ABHD13: variants seen among roughly 807,000 people sequenced by gnomAD.
The protein encoded by ABHD13 is abhydrolase domain containing 13.
Under a neutral mutation model 25.2 loss-of-function variants are expected in ABHD13, and 7 were observed. The observed-to-expected ratio is 0.28, with a 90% CI of 0.16 to 0.52. ABHD13 has a LOEUF of 0.52. ABHD13 is among the 20% of genes least tolerant of loss of function. The pLI is 0.96. For missense variants in ABHD13, 302 were observed against 402.7 expected, an observed-to-expected ratio of 0.75 and a Z score of 2.14; for synonymous variants, 133 against 136.1, an observed-to-expected ratio of 0.98 and a Z score of 0.16.
Position 108,229,941 on chromosome 13 carries a change from G to C in ABHD13, c.723G>C (p.Trp241Cys). ...SFFPMRYLPLWCYKNKFLSYR... is the reference protein window; with the variant it reads ...SFFPMRYLPLCCYKNKFLSYR... ...TTCCGATGCGTTACCTTCCTTTATGGTGCTACAAAAATAAATTTTTGTCCT... is the reference window on the plus strand; with the variant it reads ...TTCCGATGCGTTACCTTCCTTTATGCTGCTACAAAAATAAATTTTTGTCCT... Residue 241 changes from tryptophan to cysteine, a missense_variant, in exon 2 of 2, where the codon TGG becomes TGC. Coordinates refer to ENST00000375898, the MANE Select transcript of ABHD13 (RefSeq NM_032859.3). The surrounding 1 kb of genome is among the most constrained non-coding windows in gnomAD (Gnocchi z 4.7). The C allele has an allele frequency of 6.2e-7, 1 of 1,613,154 alleles. No homozygotes were observed. Among genetic ancestry groups the C allele is most frequent in the Non-Finnish European group, 8.5e-7 (1 of 1,179,426 alleles).
rs1311968401 is a variant in ABHD13 at position 108,232,161 on chromosome 13, T to A, written c.*1929T>A. 1.2e-5 allele frequency: 2 copies of A among 166,828 alleles called. No individual in the cohort carries two copies. The highest frequency in any genetic ancestry group is 2.9e-5 in the Non-Finnish European group (2 of 68,020). The allele number at this position is 166,828 out of a possible 1,614,324, so 10.3% of individuals were successfully genotyped here. A position where few individuals can be genotyped will look rare whatever the true frequency, so the allele number is the denominator to read the frequency against. On this transcript the variant is annotated 3_prime_UTR_variant, in exon 2 of 2. Transcript: ENST00000375898. ...ATCAGTCATTACACTAGGGAGAAATTTATCAGCTTTAGTTCTAAATATGCT... is the reference window on the plus strand; with the variant it reads ...ATCAGTCATTACACTAGGGAGAAATATATCAGCTTTAGTTCTAAATATGCT...
intron 1 of ABHD13, among the ~76,000 whole-genome samples, chr13:108,223,810 G>A (rs1879616949): frequency 6.6e-6 from 1 of 152,206 alleles, no homozygotes; most frequent in Non-Finnish European, 1.5e-5. Context: ...AAAGATCTCA[G>A]ATTTAATAGA....
At chr13:108,221,732 G>A (rs1042556552) in intron 1 of ABHD13, among the ~76,000 whole-genome samples, 2 of 151,872 alleles carry the variant, frequency 1.3e-5, no homozygotes, top group African/African-American at 2.4e-5. Flanking sequence ...ATTGTTTTTC[G>A]GAAATTCATT....
At chr13:108,227,028 G>A (rs1263633189) in intron 1 of ABHD13, among the ~76,000 whole-genome samples, 1 of 152,054 alleles carries the variant, frequency 6.6e-6, no homozygotes, top group Non-Finnish European at 1.5e-5. Flanking sequence ...TCTTAAAAAT[G>A]ACTTCCATTT....
rs146028259 is a variant in ABHD13 at position 108,231,472 on chromosome 13, T to G, written c.*1240T>G. 6 of 166,882 alleles carry G rather than the reference T, an allele frequency of 3.6e-5. No homozygotes were observed. Among genetic ancestry groups the G allele is most frequent in the African/African-American group, 1.4e-4 (6 of 41,536 alleles). The allele number at this position is 166,882 out of a possible 1,614,324, so 10.3% of individuals were successfully genotyped here. A position where few individuals can be genotyped will look rare whatever the true frequency, so the allele number is the denominator to read the frequency against. On this transcript the variant is annotated 3_prime_UTR_variant, in exon 2 of 2. Transcript: ENST00000375898. ...TTACCACATTTAGCAGTTAAATGGC[T>G]ATAGGTGGGAAGTAGGATTTAGATG...
rs753694674 is a variant in ABHD13, at chr13:108,231,495, A to G, written c.*1263A>G. ...GCTATAGGTGGGAAGTAGGATTTAG[A>G]TGTATAGAAAAGTAAGAAAATCTTA... On this transcript the variant is annotated 3_prime_UTR_variant, in exon 2 of 2. Coordinates refer to ENST00000375898, the MANE Select transcript of ABHD13 (RefSeq NM_032859.3). 6.0e-6 allele frequency: 1 copy of G among 166,780 alleles called. No homozygotes were observed. The highest frequency in any genetic ancestry group is 2.4e-5 in the African/African-American group (1 of 41,398). The allele number at this position is 166,780 out of a possible 1,614,324, so 10.3% of individuals were successfully genotyped here. A position where few individuals can be genotyped will look rare whatever the true frequency, so the allele number is the denominator to read the frequency against.
At chr13:108,219,024 A>G (rs755953621) in intron 1 of ABHD13, among the ~76,000 whole-genome samples, 6 of 152,124 alleles carry the variant, frequency 3.9e-5, no homozygotes, top group Admixed American at 2.0e-4. Context: ...TTCTATGTCA[A>G]TTGTATTTCC....
At position 108,232,560 on chromosome 13, in the gene ABHD13, A is replaced by C. The variant is rs980048934; in HGVS notation, c.*2328A>C. On this transcript the variant is annotated 3_prime_UTR_variant, in exon 2 of 2. Transcript: ENST00000375898. ...TTTAGTAAAATGAGACTTCTTCAGGAGTCACTCCTTTACTGTGGACCCATT... is the reference window on the plus strand; with the variant it reads ...TTTAGTAAAATGAGACTTCTTCAGGCGTCACTCCTTTACTGTGGACCCATT... 1.2e-5 allele frequency: 2 copies of C among 166,894 alleles called. No homozygotes were observed. The highest frequency in any genetic ancestry group is 2.9e-5 in the Non-Finnish European group (2 of 68,048). 10.3% of individuals were successfully genotyped at this position (166,894 alleles called of 1,614,324 possible). A position where few individuals can be genotyped will look rare whatever the true frequency, so the allele number is the denominator to read the frequency against.
intron 1 of ABHD13, among the ~76,000 whole-genome samples, chr13:108,227,820 G>A (rs959218644): frequency 1.4e-4 from 21 of 152,186 alleles, no homozygotes; most frequent in Non-Finnish European, 2.1e-4. Flanking sequence ...CAGGGAGGAT[G>A]TGATACTGTA....
chr13:108,229,061 G>C lies in ABHD13; in HGVS notation c.-20-138G>C. ...AGAAAGGACAAGGGAAATTATAGCA[G>C]CTACTTTTGTGGATGGACTGTACCT... is the stretch of plus-strand genomic sequence containing the variant. On this transcript the variant is annotated intron_variant, in intron 1 of 1. Coordinates refer to ENST00000375898, the MANE Select transcript of ABHD13 (RefSeq NM_032859.3). The surrounding 1 kb of genome is among the most constrained non-coding windows in gnomAD (Gnocchi z 4.7). 1.9e-6 allele frequency: 1 copy of C among 538,422 alleles called. No homozygotes were observed. Among genetic ancestry groups the C allele is most frequent in the Admixed American group, 3.8e-5 (1 of 26,404 alleles). 33.4% of individuals were successfully genotyped at this position (538,422 alleles called of 1,614,324 possible).
At position 108,219,957 on chromosome 13, in the gene ABHD13, T is replaced by G. The variant is rs986915329; in HGVS notation, c.-21+1298T>G. On this transcript the variant is annotated intron_variant, in intron 1 of 1. Transcript: ENST00000375898. ...TTATTTGATCTAGGACTAATAGGGC[T>G]TCTAGTTGTCCTTACTTTCACATAC... Among the ~76,000 whole-genome samples the G allele has an allele frequency of 2.0e-5, 3 of 152,200 alleles. No individual in the cohort carries two copies. The East Asian group carries it at 5.8e-4, about 29-fold the overall frequency.
At chr13:108,223,824 C>T (rs1216830208) in intron 1 of ABHD13, among the ~76,000 whole-genome samples, 1 of 152,174 alleles carries the variant, frequency 6.6e-6, no homozygotes, top group African/African-American at 2.4e-5. Context: ...TAATAGAGCC[C>T]TCAAAGTTCA....
chr13:108,221,074 G>A lies in ABHD13; in HGVS notation c.-21+2415G>A, dbSNP rs560692064. ...TGCCAAGATTTTCAAGCATGAAAAAGCTACTAAGTAGCTGCCTGGTATAAT... is the reference window on the plus strand; with the variant it reads ...TGCCAAGATTTTCAAGCATGAAAAAACTACTAAGTAGCTGCCTGGTATAAT... On this transcript the variant is annotated intron_variant, in intron 1 of 1. Transcript: ENST00000375898. 2.8e-3 allele frequency among the ~76,000 whole-genome samples: 428 copies of A among 152,288 alleles called. 6 individuals carry two copies. The highest frequency in any genetic ancestry group is 5.0e-3 in the Non-Finnish European group (343 of 68,028).
intron 1 of ABHD13, among the ~76,000 whole-genome samples, chr13:108,226,682 T>C (rs1463601355): frequency 6.6e-6 from 1 of 152,208 alleles, no homozygotes; most frequent in East Asian, 1.9e-4. Context: ...TTTGTTTCTA[T>C]TGACTGTCAT....
At position 108,221,998 on chromosome 13, in the gene ABHD13, C is replaced by T. The variant is rs544753539; in HGVS notation, c.-21+3339C>T. On this transcript the variant is annotated intron_variant, in intron 1 of 1. Coordinates refer to ENST00000375898, the MANE Select transcript of ABHD13 (RefSeq NM_032859.3). ...GATTACAGGCACGCGCCACCATGCC[C>T]GGCTAATTTTTTGTAATTTTTAGTA... 7.2e-5 allele frequency among the ~76,000 whole-genome samples: 11 copies of T among 152,088 alleles called. No homozygotes were observed. In the South Asian group the frequency reaches 1.5e-3, roughly 20 times the overall value.
intron 1 of ABHD13, among the ~76,000 whole-genome samples, chr13:108,228,377 A>T (rs777232024): frequency 6.6e-6 from 1 of 151,970 alleles, no homozygotes; most frequent in Non-Finnish European, 1.5e-5. Flanking sequence ...TGACCCCAGG[A>T]CGTGAAACTT....
rs554081653 is a variant in ABHD13, at chr13:108,228,223, A to G, written c.-20-976A>G. Among the ~76,000 whole-genome samples, 1,007 of 151,622 alleles carry G rather than the reference A, an allele frequency of 6.6e-3. 9 individuals carry two copies. The highest frequency in any genetic ancestry group is 0.01 in the Non-Finnish European group (679 of 67,838). On this transcript the variant is annotated intron_variant, in intron 1 of 1. Coordinates refer to ENST00000375898, the MANE Select transcript of ABHD13 (RefSeq NM_032859.3). The stretch of plus-strand genomic sequence containing the variant: ...TTTTACTTTCTTTATATCAGTTAAC[A>G]TATTTTAGTAATCTTTTTAAGAATT...
chr13:108,218,649 C>G lies in ABHD13; in HGVS notation c.-31C>G, dbSNP rs1486023727. On this transcript the variant is annotated 5_prime_UTR_variant, in exon 1 of 2. Coordinates refer to ENST00000375898, the MANE Select transcript of ABHD13 (RefSeq NM_032859.3). Reference sequence around the variant, plus strand: ...CCCGCGGCCGACTGCGCAGCCTGTCCGCGAGTCTGAGTAAGTGCGGCTCGG... The same window carrying G: ...CCCGCGGCCGACTGCGCAGCCTGTCGGCGAGTCTGAGTAAGTGCGGCTCGG... 6.6e-6 allele frequency: 1 copy of G among 151,838 alleles called. No homozygotes were observed. The highest frequency in any genetic ancestry group is 1.5e-5 in the Non-Finnish European group (1 of 67,886). 9.4% of individuals were successfully genotyped at this position (151,838 alleles called of 1,614,324 possible).
At position 108,230,372 on chromosome 13, in the gene ABHD13, A is replaced by T; in HGVS notation, c.*140A>T. 1 of 689,484 alleles carries T rather than the reference A, an allele frequency of 1.5e-6. No homozygotes were observed. The highest frequency in any genetic ancestry group is 2.5e-5 in the South Asian group (1 of 40,292). 42.7% of individuals were successfully genotyped at this position (689,484 alleles called of 1,614,324 possible). A position where few individuals can be genotyped will look rare whatever the true frequency, so the allele number is the denominator to read the frequency against. Reference sequence around the variant, plus strand: ...AAGGACTTCACTGCTCCTTTACGATATTCCAAATAGTTTTTTACATTGGAA... The same window carrying T: ...AAGGACTTCACTGCTCCTTTACGATTTTCCAAATAGTTTTTTACATTGGAA... On this transcript the variant is annotated 3_prime_UTR_variant, in exon 2 of 2. Coordinates refer to ENST00000375898, the MANE Select transcript of ABHD13 (RefSeq NM_032859.3).
Sources: allele counts gnomAD v4.1 joint callset (sites outside exome capture counted in the v4.1 genomes callset), GRCh38; gene constraint gnomAD v4.1.1; non-coding constraint Gnocchi (gnomAD v3.1); transcripts MANE v1.5; gene names NCBI Gene and HGNC (gene_info 2026-07-23, HGNC 2026-07-21).